PDE4D: variants seen among roughly 807,000 people sequenced by gnomAD.
The protein encoded by PDE4D is 3',5'-cyclic-AMP phosphodiesterase 4D.
A neutral mutation model predicts 87.4 loss-of-function variants in PDE4D; 24 were observed. The observed-to-expected ratio is 0.27, with a 90% confidence interval of 0.20 to 0.39. The LOEUF (loss-of-function observed/expected upper bound fraction) is 0.39, where lower values mean the gene tolerates loss of function less well. Among genes scored for constraint, PDE4D ranks in the 10% least tolerant of loss-of-function variants. The pLI is 1.00. For synonymous variants in PDE4D, 384 were observed against 383.2 expected (o/e 1.00, Z -0.02); for missense variants, 714 against 1,041.0 (o/e 0.69, Z 4.32).
At chr5:59,832,174 C>G (rs1046116440) in intron 1 of PDE4D, among the ~76,000 whole-genome samples, 1 of 152,036 alleles carries the variant, frequency 6.6e-6, no homozygotes, top group East Asian at 1.9e-4. Flanking sequence ...GCCTGAGGTC[C>G]GCTCTGGCCA....
chr5:59,017,427 G>A (rs1189452381), intron 6 of PDE4D, among the ~76,000 whole-genome samples: 2 of 152,056 alleles, frequency 1.3e-5, no homozygotes, highest in East Asian at 1.9e-4. Flanking sequence ...GGGGAGGTAC[G>A]GATTTAAAGG....
Position 59,839,424 on chromosome 5 carries a change from T to G in PDE4D, c.455+53744A>C, listed in dbSNP as rs1199762070. Among the ~76,000 whole-genome samples the G allele has an allele frequency of 2.0e-5, 3 of 151,966 alleles. 1 individual carries two copies. ...GGGTTTTTTGTTTGTTTGTTTTTTG[T>G]TTTTTGTTTTTCAGGTTTTTTGCTG... On this transcript the variant is annotated intron_variant, in intron 1 of 14. Transcript: ENST00000340635.
chr5:60,382,770 G>A (rs1456597271), intron 1 of PDE4D, among the ~76,000 whole-genome samples: 1 of 152,112 alleles, frequency 6.6e-6, no homozygotes, highest in Non-Finnish European at 1.5e-5. Context: ...GAGAATACAT[G>A]TTTATGGCTA....
chr5:59,520,667 A>T (rs1304021947), intron 1 of PDE4D, among the ~76,000 whole-genome samples: 1 of 151,008 alleles, frequency 6.6e-6, no homozygotes, highest in African/African-American at 2.4e-5. Flanking sequence ...ACCTTTATTA[A>T]AAAAAAAAGA....
At chr5:60,350,328 C>T (rs1049149123) in intron 1 of PDE4D, among the ~76,000 whole-genome samples, 5 of 152,156 alleles carry the variant, frequency 3.3e-5, no homozygotes, top group Admixed American at 1.3e-4. Context: ...TTCAGGCTTT[C>T]CTTGTCAAGA....
intron 1 of PDE4D, among the ~76,000 whole-genome samples, chr5:59,426,086 G>A (rs1795161576): frequency 6.6e-6 from 1 of 152,128 alleles, no homozygotes. Flanking sequence ...AGCGATGCCT[G>A]CGCACAGAGG....
At chr5:59,264,954 G>A (rs940934382) in intron 1 of PDE4D, among the ~76,000 whole-genome samples, 17 of 151,884 alleles carry the variant, frequency 1.1e-4, no homozygotes, top group African/African-American at 3.4e-4. Flanking sequence ...CTGGGATGGC[G>A]GGACAAAGGA....
chr5:60,467,128 C>T (rs546010812), intron 1 of PDE4D, among the ~76,000 whole-genome samples: 1 of 152,120 alleles, frequency 6.6e-6, no homozygotes, highest in African/African-American at 2.4e-5. Context: ...CAACCTCCAC[C>T]TCCTGGGTTC....
intron 1 of PDE4D, among the ~76,000 whole-genome samples, chr5:59,672,876 G>A (rs182038612): frequency 6.6e-6 from 1 of 152,242 alleles, no homozygotes; most frequent in Admixed American, 6.5e-5. Context: ...TTGACAAACT[G>A]CTTTGAAATC....
intron 1 of PDE4D, among the ~76,000 whole-genome samples, chr5:60,198,367 G>GTGGATT: frequency 2.0e-5 from 3 of 151,400 alleles, no homozygotes; most frequent in Non-Finnish European, 4.4e-5. Flanking sequence ...GAGAGATGAA[G>GTGGATT]AGACAAAACT....
intron 1 of PDE4D, among the ~76,000 whole-genome samples, chr5:59,762,667 C>CATAT (rs1561618023): frequency 0.013 from 1,699 of 134,454 alleles, 123 homozygotes; most frequent in African/African-American, 0.043. Context: ...TATATAGGTA[C>CATAT]GTATGTGTAT....
At chr5:59,400,006 A>T (rs192832634) in intron 1 of PDE4D, among the ~76,000 whole-genome samples, 2,405 of 117,190 alleles carry the variant, frequency 0.021, 657 homozygotes, top group African/African-American at 0.081. Flanking sequence ...TGGCCATCAG[A>T]GAAACGCAAA....
intron 1 of PDE4D, among the ~76,000 whole-genome samples, chr5:59,649,669 A>C (rs1743043083): frequency 6.6e-6 from 1 of 151,574 alleles, no homozygotes; most frequent in Admixed American, 6.6e-5. Flanking sequence ...GAGGTCCCAG[A>C]GAGGCAGTTT....
At chr5:59,613,114 G>A (rs543296208) in intron 1 of PDE4D, among the ~76,000 whole-genome samples, 1 of 152,300 alleles carries the variant, frequency 6.6e-6, no homozygotes, top group South Asian at 2.1e-4. Flanking sequence ...AGGTGGGAAA[G>A]TTGGTGGCCG....
At chr5:60,142,767 G>C (rs1582846600) in intron 2 of PDE4D, among the ~76,000 whole-genome samples, 1 of 152,304 alleles carries the variant, frequency 6.6e-6, no homozygotes, top group East Asian at 1.9e-4. Flanking sequence ...CTGAAGATGA[G>C]TGAAAAACAT....
chr5:59,092,767 T>C (rs1214133695), intron 5 of PDE4D, among the ~76,000 whole-genome samples: 1 of 152,226 alleles, frequency 6.6e-6, no homozygotes, highest in East Asian at 1.9e-4. Context: ...ATAATCCATG[T>C]AAAGAACTTT....
chr5:59,589,816 T>C (rs1312809193), intron 1 of PDE4D, among the ~76,000 whole-genome samples: 1 of 152,190 alleles, frequency 6.6e-6, no homozygotes, highest in Non-Finnish European at 1.5e-5. Flanking sequence ...ATTAAACTAC[T>C]AAATATACTT....
chr5:60,278,602 T>C (rs1196396475), intron 1 of PDE4D, among the ~76,000 whole-genome samples: 2 of 152,164 alleles, frequency 1.3e-5, no homozygotes, highest in Non-Finnish European at 2.9e-5. Context: ...CCCATTTATT[T>C]TTTTTCTGTT....
At chr5:59,440,570 A>T (rs1403341129) in intron 1 of PDE4D, among the ~76,000 whole-genome samples, 2 of 152,162 alleles carry the variant, frequency 1.3e-5, no homozygotes, top group Admixed American at 6.5e-5. Context: ...TGAGGTTGGG[A>T]GTTCAAGACC....
Sources: gnomAD v4.1 joint callset for allele counts (sites outside exome capture counted in the v4.1 genomes callset) on GRCh38, gnomAD v4.1.1 for gene constraint, MANE v1.5 for transcripts, NCBI Gene and HGNC (gene_info 2026-07-23, HGNC 2026-07-21) for gene names.